Variants in TRAK1 observed in about 807,000 individuals in gnomAD.
TRAK1 encodes the protein trafficking kinesin protein 1.
Under a neutral mutation model 92.1 loss-of-function variants are expected in TRAK1, and 33 were observed. The ratio of observed to expected loss-of-function variants is 0.36; its 90% CI spans 0.27 to 0.48. The LOEUF is 0.48. TRAK1 is among the 20% of genes least tolerant of loss of function. The probability of loss-of-function intolerance (pLI) is 0.99; values close to 1 mark genes in which losing one functional copy is unlikely to be tolerated. For missense variants in TRAK1, 1,123 were observed against 1,257.9 expected (o/e 0.89, Z 1.62); for synonymous variants, 521 against 517.3 (o/e 1.01, Z -0.10).
At chr3:42,106,834 T>C in intron 1 of TRAK1, among the ~76,000 whole-genome samples, 1 of 152,230 alleles carries the variant, frequency 6.6e-6, no homozygotes, top group East Asian at 1.9e-4. Flanking sequence ...TGATCTCATT[T>C]GATGTTTTGA....
intron 14 of TRAK1, chr3:42,218,083 T>G: frequency 1.0e-6 from 1 of 985,396 alleles, no homozygotes. Flanking sequence ...GAGTCAGACC[T>G]TAAAAATCAG....
At position 42,199,225 on chromosome 3, in the gene TRAK1, T is replaced by C. The variant is rs146849711; in HGVS notation, c.1162T>C (p.Leu388=). ...GGGAACGATGCGCAAGGAGCTGCAG[T>C]TGGAAGAGGCCGAGTCTCCAGACAT... ...IEGTMRKELQ[L]EEAESPDITH... The change falls in exon 11 of 16, where the codon TTG becomes CTG. Residue 388 remains leucine (L), a synonymous_variant. Transcript: ENST00000327628. The C allele has an allele frequency of 7.5e-5, 121 of 1,613,806 alleles. No homozygotes were observed. The highest frequency in any genetic ancestry group is 9.9e-5 in the Non-Finnish European group (117 of 1,180,040).
chr3:42,116,331 A>G (rs1709158997), intron 1 of TRAK1, among the ~76,000 whole-genome samples: 1 of 152,218 alleles, frequency 6.6e-6, no homozygotes, highest in South Asian at 2.1e-4. Flanking sequence ...CCTCTTTGTA[A>G]TTTGTGGAAT....
chr3:42,179,369 A>G (rs1009221366), intron 3 of TRAK1, among the ~76,000 whole-genome samples: 20 of 152,208 alleles, frequency 1.3e-4, no homozygotes, highest in Admixed American at 3.3e-4. Flanking sequence ...TGCCACAGGC[A>G]GGCAAATGGG....
rs35151425 is a variant in TRAK1, at chr3:42,124,137, TAA to T, written c.92-1270_92-1269del. Among the ~76,000 whole-genome samples the T allele has an allele frequency of 3.9e-3, 566 of 146,818 alleles. 1 individual carries two copies. The highest frequency in any genetic ancestry group is 0.01 in the African/African-American group (407 of 40,018). On this transcript the variant is annotated intron_variant, in intron 1 of 15. Transcript: ENST00000327628. Reference sequence around the variant, plus strand: ...TGGGCAACAGAGTGAGACACTGTCTTAAAAAAAAAAAAAAGAATCAACCTCAG... The same window carrying T: ...TGGGCAACAGAGTGAGACACTGTCTTAAAAAAAAAAAAGAATCAACCTCAG...
At chr3:42,025,551 G>A (rs538488395) in intron 1 of TRAK1, among the ~76,000 whole-genome samples, 32 of 152,246 alleles carry the variant, frequency 2.1e-4, no homozygotes, top group African/African-American at 7.7e-4. Context: ...AAAGGGAGAG[G>A]GGAAGGAGAA....
intron 2 of TRAK1, among the ~76,000 whole-genome samples, chr3:42,162,245 C>T (rs1030291804): frequency 6.6e-5 from 10 of 151,858 alleles, no homozygotes; most frequent in Non-Finnish European, 1.5e-5. Flanking sequence ...GTGTTGTGCC[C>T]ATTTCATGTA....
At chr3:42,064,867 A>G (rs1051564674) in intron 1 of TRAK1, among the ~76,000 whole-genome samples, 1 of 152,074 alleles carries the variant, frequency 6.6e-6, no homozygotes, top group Non-Finnish European at 1.5e-5. Context: ...CCTGGCTGAC[A>G]CGGTGAAACC....
upstream of TRAK1, chr3:42,091,228 G>A (rs1263974690): frequency 4.1e-6 from 2 of 488,316 alleles, no homozygotes; most frequent in East Asian, 7.8e-5. Context: ...ATTTTTGGGT[G>A]CGTCATTTTC....
intron 12 of TRAK1, among the ~76,000 whole-genome samples, 169 bp downstream of exon 12, chr3:42,201,223 C>T (rs1707502389): frequency 6.6e-6 from 1 of 152,142 alleles, no homozygotes; most frequent in Non-Finnish European, 1.5e-5. Context: ...CTTTCGGAGA[C>T]CGAGGCGGGA....
At chr3:42,039,989 T>A (rs1245077470) in intron 1 of TRAK1, among the ~76,000 whole-genome samples, 1 of 152,214 alleles carries the variant, frequency 6.6e-6, no homozygotes, top group African/African-American at 2.4e-5. Context: ...CATCTTTTCA[T>A]GTGCTTATTG....
intron 3 of TRAK1, among the ~76,000 whole-genome samples, chr3:42,183,252 T>C (rs1215621968): frequency 6.6e-6 from 1 of 152,214 alleles, no homozygotes; most frequent in Non-Finnish European, 1.5e-5. Flanking sequence ...TTGAAACCTG[T>C]GGCCTGAAAA....
At chr3:42,172,569 AC>A (rs1438752769) in intron 2 of TRAK1, among the ~76,000 whole-genome samples, 1 of 151,592 alleles carries the variant, frequency 6.6e-6, no homozygotes, top group South Asian at 2.1e-4. Flanking sequence ...TTATTGCATA[AC>A]CCCCCTTCAA....
At chr3:42,029,444 G>A (rs891777321) in intron 1 of TRAK1, among the ~76,000 whole-genome samples, 2 of 151,134 alleles carry the variant, frequency 1.3e-5, no homozygotes, top group African/African-American at 4.9e-5. Flanking sequence ...GTCTCACTAT[G>A]TTGCCCAGGG....
At chr3:42,152,040 A>G (rs1264581756) in intron 2 of TRAK1, among the ~76,000 whole-genome samples, 2 of 152,236 alleles carry the variant, frequency 1.3e-5, no homozygotes, top group African/African-American at 2.4e-5. Context: ...TTGCAGGCCA[A>G]TTAGGACCCC....
At chr3:42,097,589 G>A (rs559032285) in intron 1 of TRAK1, among the ~76,000 whole-genome samples, 127 of 152,286 alleles carry the variant, frequency 8.3e-4, no homozygotes, top group Non-Finnish European at 1.6e-3. Flanking sequence ...TGAGATAAAT[G>A]CTTAACAGTT....
In TRAK1 at chr3:42,118,281, G is replaced by A. The variant is rs150343239; in HGVS notation, c.92-7139G>A. Among the ~76,000 whole-genome samples the A allele has an allele frequency of 8.3e-3, 1,259 of 151,566 alleles. 17 individuals carry two copies. Among genetic ancestry groups the A allele is most frequent in the African/African-American group, 0.028 (1,166 of 41,282 alleles). On this transcript the variant is annotated intron_variant, in intron 1 of 15. Coordinates refer to ENST00000327628, the MANE Select transcript of TRAK1 (RefSeq NM_001042646.3). ...TTTTTTTTGTATTTTTAGTAGAAAC[G>A]GAGTTTCACCATGTTGGCCAGGCTG...
At chr3:42,055,354 T>C (rs974740453) in intron 1 of TRAK1, among the ~76,000 whole-genome samples, 2 of 152,264 alleles carry the variant, frequency 1.3e-5, no homozygotes, top group East Asian at 3.8e-4. Flanking sequence ...AAAGCTTTGT[T>C]AAAATAACAG....
At chr3:42,155,487 A>G (rs1163421110) in intron 2 of TRAK1, among the ~76,000 whole-genome samples, 1 of 152,190 alleles carries the variant, frequency 6.6e-6, no homozygotes, top group Non-Finnish European at 1.5e-5. Flanking sequence ...GGTCCCCTTC[A>G]TAGGTGAGCT....
Sources: gnomAD v4.1 joint callset for allele counts (sites outside exome capture counted in the v4.1 genomes callset) on GRCh38, gnomAD v4.1.1 for gene constraint, MANE v1.5 for transcripts, NCBI Gene and HGNC (gene_info 2026-07-23, HGNC 2026-07-21) for gene names.